Variants in SHC3 observed in about 807,000 individuals in gnomAD.
The protein encoded by SHC3 is SHC adaptor protein 3.
A neutral mutation model predicts 60.4 loss-of-function variants in SHC3; 15 were observed. That is an observed-to-expected ratio of 0.25 (90% CI 0.17 to 0.38). The LOEUF (loss-of-function observed/expected upper bound fraction) is 0.38, where lower values mean the gene tolerates loss of function less well. Ranked by LOEUF, SHC3 falls within the 10% of genes least tolerant of loss-of-function variation. The probability of loss-of-function intolerance (pLI) is 1.00; values close to 1 mark genes in which losing one functional copy is unlikely to be tolerated. For synonymous variants in SHC3, 294 were observed against 325.9 expected, an observed-to-expected ratio of 0.90 and a Z score of 1.05; for missense variants, 677 against 786.1, an observed-to-expected ratio of 0.86 and a Z score of 1.66.
intron 1 of SHC3, among the ~76,000 whole-genome samples, chr9:89,170,325 C>T (rs563465117): frequency 6.3e-4 from 96 of 152,372 alleles, no homozygotes; most frequent in African/African-American, 2.1e-3. Flanking sequence ...GAAGAGACAC[C>T]TGCACTACTC....
intron 11 of SHC3, among the ~76,000 whole-genome samples, chr9:89,032,959 C>A (rs1564086816): frequency 6.6e-6 from 1 of 151,958 alleles, no homozygotes. Flanking sequence ...TTTTCTTTTT[C>A]AGCTAAAGCT....
chr9:89,148,270 G>A (rs1826498257), intron 1 of SHC3, among the ~76,000 whole-genome samples: 1 of 152,180 alleles, frequency 6.6e-6, no homozygotes, highest in Admixed American at 6.6e-5. Flanking sequence ...TATGAATTCA[G>A]GTGGATGTTT....
Position 89,021,394 on chromosome 9 carries a change from C to A in SHC3, c.1657-7819G>T, listed in dbSNP as rs111263711. ...GCCAGAGTAGGGAGGCCAACACCAC[C>A]GCACTCAATGTCCCCACAGCCATGA... On this transcript the variant is annotated intron_variant, in intron 11 of 11. Coordinates refer to ENST00000375835, the MANE Select transcript of SHC3 (RefSeq NM_016848.6). 4.1e-3 allele frequency among the ~76,000 whole-genome samples: 628 copies of A among 152,250 alleles called. 4 individuals carry two copies. Among genetic ancestry groups the A allele is most frequent in the African/African-American group, 0.014 (578 of 41,534 alleles).
chr9:89,125,768 C>G (rs1428767109), intron 1 of SHC3, among the ~76,000 whole-genome samples: 1 of 152,126 alleles, frequency 6.6e-6, no homozygotes, highest in Non-Finnish European at 1.5e-5. Flanking sequence ...CACGAGCTTA[C>G]TTTATATTGT....
chr9:89,035,254 C>T (rs1564088436), intron 11 of SHC3, among the ~76,000 whole-genome samples: 1 of 152,174 alleles, frequency 6.6e-6, no homozygotes, highest in Non-Finnish European at 1.5e-5. Context: ...TCTGATCTCC[C>T]CAACAAAAAT....
At chr9:89,054,341 C>T (rs1824913570) in intron 6 of SHC3, among the ~76,000 whole-genome samples, 1 of 152,222 alleles carries the variant, frequency 6.6e-6, no homozygotes, top group Non-Finnish European at 1.5e-5. Context: ...ATGCCTGCAG[C>T]TCCTGGCACC....
intron 9 of SHC3, 89 bp downstream of exon 9, chr9:89,045,657 G>T: frequency 8.8e-7 from 1 of 1,135,320 alleles, no homozygotes; most frequent in Non-Finnish European, 1.3e-6. Context: ...CACTCTGTCA[G>T]TCCACAGAAA....
intron 11 of SHC3, among the ~76,000 whole-genome samples, chr9:89,017,678 A>G (rs1259570735): frequency 5.3e-5 from 8 of 152,246 alleles, no homozygotes; most frequent in African/African-American, 1.4e-4. Flanking sequence ...GCTTCTGCAC[A>G]GCAAAAGAAA....
At chr9:89,133,949 T>G (rs1007655271) in intron 1 of SHC3, among the ~76,000 whole-genome samples, 6 of 152,074 alleles carry the variant, frequency 3.9e-5, no homozygotes, top group Non-Finnish European at 5.9e-5. Context: ...AAGCATTAGA[T>G]TCTAGATGAG....
intron 1 of SHC3, among the ~76,000 whole-genome samples, chr9:89,174,136 A>G (rs959094980): frequency 2.0e-5 from 3 of 152,202 alleles, no homozygotes; most frequent in Admixed American, 2.0e-4. Flanking sequence ...ATTTTTATAC[A>G]CTTTGTCAAG....
intron 7 of SHC3, 152 bp downstream of exon 7, chr9:89,051,885 G>T: frequency 3.0e-6 from 3 of 994,234 alleles, no homozygotes; most frequent in Non-Finnish European, 4.2e-6. Flanking sequence ...GGCTTTCTGT[G>T]CCATATCCCA....
intron 1 of SHC3, among the ~76,000 whole-genome samples, chr9:89,115,983 T>C (rs1826013699): frequency 6.6e-6 from 1 of 151,956 alleles, no homozygotes; most frequent in African/African-American, 2.4e-5. Flanking sequence ...CCACCACCAA[T>C]GTCACAGTGT....
chr9:89,130,330 C>T (rs1034253536), intron 1 of SHC3, among the ~76,000 whole-genome samples: 1 of 151,994 alleles, frequency 6.6e-6, no homozygotes, highest in Non-Finnish European at 1.5e-5. Context: ...ACTTTAACAC[C>T]CCACTGTTAA....
chr9:89,177,830 T>G (rs934901351), intron 1 of SHC3, among the ~76,000 whole-genome samples, 157 bp downstream of exon 1: 1 of 152,244 alleles, frequency 6.6e-6, no homozygotes, highest in African/African-American at 2.4e-5. Flanking sequence ...TCCTCACCGC[T>G]GTCAAGCGAG....
chr9:89,141,949 A>G (rs1826399501), intron 1 of SHC3, among the ~76,000 whole-genome samples: 1 of 152,160 alleles, frequency 6.6e-6, no homozygotes, highest in Admixed American at 6.5e-5. Context: ...TCAGGTGGCC[A>G]TTTGTCGGTC....
intron 1 of SHC3, among the ~76,000 whole-genome samples, chr9:89,153,878 G>A (rs899754645): frequency 6.6e-6 from 1 of 152,220 alleles, no homozygotes; most frequent in East Asian, 1.9e-4. Flanking sequence ...CTCAGACTGC[G>A]GACCTTCAGT....
At position 89,172,552 on chromosome 9, in the gene SHC3, GACACAC is replaced by G. The variant is rs1208720631; in HGVS notation, c.474+5429_474+5434del. Among the ~76,000 whole-genome samples, 3 of 149,484 alleles carry G rather than the reference GACACAC, an allele frequency of 2.0e-5. No homozygotes were observed. In the East Asian group the frequency reaches 6.0e-4, roughly 30 times the overall value. On this transcript the variant is annotated intron_variant, in intron 1 of 11. Transcript: ENST00000375835. ...AGACACACACACACACGAAGACACA[GACACAC>G]ACAGACACACACACACAGACACACA...
At position 89,071,715 on chromosome 9, in the gene SHC3, CA is replaced by C. The variant is rs1480981777; in HGVS notation, c.730-464del. On this transcript the variant is annotated intron_variant, in intron 4 of 11. Transcript: ENST00000375835. ...ATGTTTGCCTAATTAATGAAGATGG[CA>C]CCCAACAAGATAAGGACATAAAAAG... Among the ~76,000 whole-genome samples, 689 of 152,310 alleles carry C rather than the reference CA, an allele frequency of 4.5e-3. 3 individuals are homozygous for C. Among genetic ancestry groups the C allele is most frequent in the Admixed American group, 9.0e-3 (138 of 15,304 alleles).
intron 10 of SHC3, among the ~76,000 whole-genome samples, chr9:89,039,109 T>C (rs1824632126): frequency 1.3e-5 from 2 of 152,244 alleles, no homozygotes; most frequent in Non-Finnish European, 2.9e-5. Context: ...CACAGTGCTA[T>C]GCAAGTGGAA....
Sources: allele counts gnomAD v4.1 joint callset (sites outside exome capture counted in the v4.1 genomes callset), GRCh38; gene constraint gnomAD v4.1.1; transcripts MANE v1.5; gene names NCBI Gene and HGNC (gene_info 2026-07-23, HGNC 2026-07-21).